GPC5: variants seen among roughly 807,000 people sequenced by gnomAD.
GPC5 encodes glypican 5.
Under a neutral mutation model 53.9 loss-of-function variants are expected in GPC5, and 47 were observed. The observed-to-expected ratio is 0.87, with a 90% CI of 0.69 to 1.11. The LOEUF (loss-of-function observed/expected upper bound fraction) is 1.11, where lower values mean the gene tolerates loss of function less well. GPC5 is among the 50% of genes most tolerant of loss of function. GPC5 has a pLI of 0.00. For missense variants in GPC5, 748 were observed against 713.1 expected (o/e 1.05, Z -0.56); for synonymous variants, 286 against 263.3 (o/e 1.09, Z -0.84).
intron 7 of GPC5, among the ~76,000 whole-genome samples, chr13:92,217,973 A>G (rs1281123746): frequency 7.9e-6 from 1 of 126,500 alleles, no homozygotes; most frequent in Non-Finnish European, 1.5e-5. Flanking sequence ...ACTGGAGTGC[A>G]GTGGTGTGAT....
chr13:92,000,847 C>G (rs2040547663), intron 6 of GPC5, among the ~76,000 whole-genome samples: 1 of 152,148 alleles, frequency 6.6e-6, no homozygotes, highest in Non-Finnish European at 1.5e-5. Flanking sequence ...ATATGTAAGG[C>G]TAGGCAATGT....
intron 2 of GPC5, among the ~76,000 whole-genome samples, chr13:91,689,603 T>C (rs2035711374): frequency 6.6e-6 from 1 of 151,492 alleles, no homozygotes; most frequent in Non-Finnish European, 1.5e-5. Context: ...AAGCTTTTTT[T>C]TTCTATTTTT....
intron 6 of GPC5, among the ~76,000 whole-genome samples, chr13:92,097,513 A>G (rs947031180): frequency 3.3e-5 from 5 of 152,228 alleles, no homozygotes; most frequent in Non-Finnish European, 5.9e-5. Flanking sequence ...ACAGAAGCCT[A>G]TATGAAGGGA....
chr13:91,794,817 G>T (rs775561195), intron 5 of GPC5, among the ~76,000 whole-genome samples: 2 of 152,098 alleles, frequency 1.3e-5, no homozygotes, highest in Non-Finnish European at 2.9e-5. Context: ...GTGATTATTA[G>T]TTTATAGGTG....
intron 1 of GPC5, among the ~76,000 whole-genome samples, chr13:91,414,711 C>G (rs1462760852): frequency 6.6e-6 from 1 of 152,152 alleles, no homozygotes; most frequent in African/African-American, 2.4e-5. Context: ...CTTCACGTAA[C>G]AGAAAATATG....
chr13:91,509,723 A>C (rs2139326979), intron 2 of GPC5, among the ~76,000 whole-genome samples: 1 of 152,210 alleles, frequency 6.6e-6, no homozygotes, highest in South Asian at 2.1e-4. Flanking sequence ...GGGAATACTA[A>C]AAATTAGTCA....
chr13:91,769,385 A>G (rs1221615917), intron 5 of GPC5, among the ~76,000 whole-genome samples: 1 of 152,314 alleles, frequency 6.6e-6, no homozygotes, highest in East Asian at 1.9e-4. Flanking sequence ...AAGTTGCCAT[A>G]TAAAACTAAT....
chr13:91,470,043 C>T (rs1328252785), intron 2 of GPC5, among the ~76,000 whole-genome samples: 1 of 151,960 alleles, frequency 6.6e-6, no homozygotes, highest in African/African-American at 2.4e-5. Flanking sequence ...TGTCTCAAAA[C>T]AACAATAACA....
At chr13:92,669,344 C>A (rs1179791339) in intron 7 of GPC5, among the ~76,000 whole-genome samples, 1 of 152,136 alleles carries the variant, frequency 6.6e-6, no homozygotes, top group African/African-American at 2.4e-5. Flanking sequence ...TTCCTCCTCT[C>A]TCTACTCAAA....
intron 7 of GPC5, among the ~76,000 whole-genome samples, chr13:92,575,735 A>T (rs1053327744): frequency 5.9e-5 from 9 of 152,116 alleles, no homozygotes; most frequent in African/African-American, 2.2e-4. Context: ...GTTTCTCTTG[A>T]CTAGGACAGA....
intron 7 of GPC5, among the ~76,000 whole-genome samples, chr13:92,779,346 G>A (rs551919794): frequency 6.6e-6 from 1 of 152,174 alleles, no homozygotes; most frequent in African/African-American, 2.4e-5. Flanking sequence ...GATGAGATTT[G>A]AGTGGGGGCA....
At chr13:92,422,574 G>T (rs545896214) in intron 7 of GPC5, among the ~76,000 whole-genome samples, 1 of 151,462 alleles carries the variant, frequency 6.6e-6, no homozygotes, top group African/African-American at 2.4e-5. Flanking sequence ...TAGTCATGAC[G>T]AGAGGTGAGA....
chr13:92,410,365 A>T (rs1468489289), intron 7 of GPC5, among the ~76,000 whole-genome samples: 1 of 152,198 alleles, frequency 6.6e-6, no homozygotes, highest in Admixed American at 6.5e-5. Flanking sequence ...ATCTGCATGC[A>T]TTACTTCAAT....
At position 92,514,649 on chromosome 13, in the gene GPC5, C is replaced by G. The variant is rs115709651; in HGVS notation, c.1562-351633C>G. On this transcript the variant is annotated intron_variant, in intron 7 of 7. Coordinates refer to ENST00000377067, the MANE Select transcript of GPC5 (RefSeq NM_004466.6). ...GACTGGGGCCTCCATTTGCCCAATC[C>G]AGAGCCTGCCCATTCGCCACAGTGC... Among the ~76,000 whole-genome samples the G allele has an allele frequency of 2.8e-3, 426 of 152,264 alleles. 3 individuals are homozygous for G. The highest frequency in any genetic ancestry group is 9.6e-3 in the African/African-American group (398 of 41,554).
intron 7 of GPC5, among the ~76,000 whole-genome samples, chr13:92,325,747 G>T (rs943994629): frequency 6.6e-6 from 1 of 152,010 alleles, no homozygotes; most frequent in Non-Finnish European, 1.5e-5. Flanking sequence ...AAAGGAGTTG[G>T]CCAAAAATCT....
At chr13:92,319,908 A>C (rs1026853936) in intron 7 of GPC5, among the ~76,000 whole-genome samples, 1 of 152,152 alleles carries the variant, frequency 6.6e-6, no homozygotes, top group Non-Finnish European at 1.5e-5. Context: ...AACAATATAT[A>C]CATTAGTCAT....
chr13:91,715,240 G>C (rs1334174403), intron 3 of GPC5, among the ~76,000 whole-genome samples: 1 of 152,120 alleles, frequency 6.6e-6, no homozygotes, highest in Non-Finnish European at 1.5e-5. Context: ...ATTTGGTCTG[G>C]TGTCTGAACC....
intron 7 of GPC5, among the ~76,000 whole-genome samples, chr13:92,458,479 A>G (rs1236972031): frequency 6.6e-6 from 1 of 152,102 alleles, no homozygotes; most frequent in African/African-American, 2.4e-5. Flanking sequence ...CTGTATTTTT[A>G]GTAGAGACGG....
intron 7 of GPC5, among the ~76,000 whole-genome samples, chr13:92,523,866 G>C (rs956365636): frequency 6.6e-6 from 1 of 152,018 alleles, no homozygotes; most frequent in East Asian, 1.9e-4. Flanking sequence ...TTATACTATA[G>C]TCAATTAAGT....
Sources: allele counts gnomAD v4.1 joint callset (sites outside exome capture counted in the v4.1 genomes callset), GRCh38; gene constraint gnomAD v4.1.1; transcripts MANE v1.5; gene names NCBI Gene and HGNC (gene_info 2026-07-23, HGNC 2026-07-21).